The following DPF3 variants were observed in gnomAD, a reference collection of about 807,000 sequenced individuals.
The protein encoded by DPF3 is double PHD fingers 3.
DPF3 carries 18 observed loss-of-function variants against 56.8 expected under a neutral mutation model. That is an observed-to-expected ratio of 0.32 (90% confidence interval 0.22 to 0.47). The LOEUF is 0.47. Among genes scored for constraint, DPF3 ranks in the 20% least tolerant of loss-of-function variants. DPF3 has a pLI of 1.00. For synonymous variants in DPF3, 188 were observed against 180.2 expected (o/e 1.04, Z -0.35); for missense variants, 403 against 488.8 (o/e 0.82, Z 1.65).
rs1883750986 is a variant in DPF3 at position 72,611,914 on chromosome 14, A to G, written c.*7383T>C. 6.6e-6 allele frequency among the ~76,000 whole-genome samples: 1 copy of G among 152,124 alleles called. No individual in the cohort carries two copies. Among genetic ancestry groups the G allele is most frequent in the South Asian group, 2.1e-4 (1 of 4,824 alleles). On this transcript the variant is annotated 3_prime_UTR_variant, in exon 11 of 11. Transcript: ENST00000556509. ...CTTACACCTTCCGTGATGGCGCGATACTTGACCTACAATCACGATTGCTTG... is the reference window on the plus strand; with the variant it reads ...CTTACACCTTCCGTGATGGCGCGATGCTTGACCTACAATCACGATTGCTTG...
chr14:72,700,904 C>G (rs577864658), intron 6 of DPF3, among the ~76,000 whole-genome samples: 1 of 152,358 alleles, frequency 6.6e-6, no homozygotes, highest in South Asian at 2.1e-4. Context: ...CTCATCACCA[C>G]TGCTGTCAAA....
intron 8 of DPF3, among the ~76,000 whole-genome samples, chr14:72,657,537 A>G (rs1210154698): frequency 6.6e-6 from 1 of 152,218 alleles, no homozygotes; most frequent in African/African-American, 2.4e-5. Flanking sequence ...AATAGTTTAC[A>G]GTACTGATCA....
chr14:72,685,309 C>T (rs1393310703), intron 7 of DPF3, among the ~76,000 whole-genome samples: 2 of 152,214 alleles, frequency 1.3e-5, no homozygotes, highest in East Asian at 1.9e-4. Flanking sequence ...CCAACTCAAG[C>T]CCATTCACAT....
In DPF3 at chr14:72,609,243, C is replaced by T. The variant is rs888500810; in HGVS notation, c.*10054G>A. Among the ~76,000 whole-genome samples, 2 of 152,196 alleles carry T rather than the reference C, an allele frequency of 1.3e-5. No homozygotes were observed. Among genetic ancestry groups the T allele is most frequent in the Non-Finnish European group, 2.9e-5 (2 of 68,038 alleles). ...AAAGAAGAAGGCTGCTCGATCCCCA[C>T]ATTCTTCATCTCATCAGCGACAGGT... is the stretch of plus-strand genomic sequence containing the variant. On this transcript the variant is annotated 3_prime_UTR_variant, in exon 11 of 11. Transcript: ENST00000556509.
chr14:72,814,224 A>G (rs1230019557), intron 1 of DPF3, among the ~76,000 whole-genome samples: 1 of 152,100 alleles, frequency 6.6e-6, no homozygotes, highest in African/African-American at 2.4e-5. Flanking sequence ...TCCCTCCTTC[A>G]TGAAGATGAT....
chr14:72,875,382 G>C (rs1384810120), intron 1 of DPF3, among the ~76,000 whole-genome samples: 2 of 152,148 alleles, frequency 1.3e-5, no homozygotes, highest in African/African-American at 4.8e-5. Flanking sequence ...ATTCCAGCCT[G>C]GGCAACAGGG....
At position 72,614,190 on chromosome 14, in the gene DPF3, G is replaced by A. The variant is rs1031958650; in HGVS notation, c.*5107C>T. ...ACCCTGGGAATGCTCAGAAATGGGGGAGGGAGCCCCAACCCCCAGACAGCT... is the reference window on the plus strand; with the variant it reads ...ACCCTGGGAATGCTCAGAAATGGGGAAGGGAGCCCCAACCCCCAGACAGCT... On this transcript the variant is annotated 3_prime_UTR_variant, in exon 11 of 11. Transcript: ENST00000556509. Among the ~76,000 whole-genome samples, 3 of 152,222 alleles carry A rather than the reference G, an allele frequency of 2.0e-5. No homozygotes were observed. The East Asian group carries it at 5.8e-4, about 29-fold the overall frequency.
intron 4 of DPF3, among the ~76,000 whole-genome samples, chr14:72,724,662 A>G (rs1372318096): frequency 6.6e-6 from 1 of 151,302 alleles, no homozygotes. Flanking sequence ...GGGAAGGGGC[A>G]TGGAGCTCAC....
rs529115137 is a variant in DPF3 at position 72,868,841 on chromosome 14, A to G, written c.32+25216T>C. 2.6e-5 allele frequency among the ~76,000 whole-genome samples: 4 copies of G among 152,166 alleles called. No homozygotes were observed. The South Asian group carries it at 8.3e-4, about 32-fold the overall frequency. On this transcript the variant is annotated intron_variant, in intron 1 of 10. Transcript: ENST00000556509. Reference sequence around the variant, plus strand: ...TTTATTTTCTAAATTTTACCCAGACAAGCTTCCCCAAAACCCACTCATCCT... The same window carrying G: ...TTTATTTTCTAAATTTTACCCAGACGAGCTTCCCCAAAACCCACTCATCCT...
rs183963471 is a variant in DPF3 at position 72,858,289 on chromosome 14, C to A, written c.32+35768G>T. 6.5e-3 allele frequency among the ~76,000 whole-genome samples: 887 copies of A among 137,180 alleles called. 11 individuals are homozygous for A. Among genetic ancestry groups the A allele is most frequent in the African/African-American group, 0.023 (852 of 36,322 alleles). 90.0% of individuals were successfully genotyped at this position (137,180 alleles called of 152,430 possible). The stretch of plus-strand genomic sequence containing the variant: ...CACCACTGCACTCCAGCCTGGGTGA[C>A]AGAGTTAAGACTCTATCTCAAAAAA... On this transcript the variant is annotated intron_variant, in intron 1 of 10. Transcript: ENST00000556509.
chr14:72,838,905 ATTCTT>A (rs1884425226), intron 1 of DPF3, among the ~76,000 whole-genome samples: 1 of 64,502 alleles, frequency 1.6e-5, no homozygotes, highest in Non-Finnish European at 2.8e-5. Flanking sequence ...TATCATATAT[ATTCTT>A]TTTTTTTTTT....
At chr14:72,649,062 T>C (rs1157414897) in intron 8 of DPF3, among the ~76,000 whole-genome samples, 2 of 152,144 alleles carry the variant, frequency 1.3e-5, no homozygotes, top group Non-Finnish European at 1.5e-5. Flanking sequence ...TTCTCCCAGT[T>C]CTTCCTTTTA....
intron 8 of DPF3, chr14:72,661,597 TC>T: frequency 1.0e-6 from 1 of 985,342 alleles, no homozygotes; most frequent in Non-Finnish European, 1.2e-6. Context: ...CCGAGATACA[TC>T]CCATCGGCCA....
chr14:72,673,008 C>T (rs1886760125), intron 8 of DPF3, among the ~76,000 whole-genome samples: 1 of 152,090 alleles, frequency 6.6e-6, no homozygotes, highest in South Asian at 2.1e-4. Flanking sequence ...ATGTTAGGTA[C>T]CATGTTTGGA....
At position 72,616,811 on chromosome 14, in the gene DPF3, C is replaced by A. The variant is rs1884119782; in HGVS notation, c.*2486G>T. Among the ~76,000 whole-genome samples, 1 of 152,216 alleles carries A rather than the reference C, an allele frequency of 6.6e-6. No homozygotes were observed. The highest frequency in any genetic ancestry group is 1.5e-5 in the Non-Finnish European group (1 of 68,038). ...GAGACCAATTTAAAGTTTACCAACC[C>A]CGTCCTCTTTTGAACACAGAGGTGA... On this transcript the variant is annotated 3_prime_UTR_variant, in exon 11 of 11. Transcript: ENST00000556509.
At position 72,616,850 on chromosome 14, in the gene DPF3, G is replaced by A. The variant is rs1422042677; in HGVS notation, c.*2447C>T. ...ACACAGAGGTGATAAATGTGACCAC[G>A]GAGACTTTTGTCTGCTTGTAGTACC... On this transcript the variant is annotated 3_prime_UTR_variant, in exon 11 of 11. Transcript: ENST00000556509. 6.6e-6 allele frequency among the ~76,000 whole-genome samples: 1 copy of A among 152,200 alleles called. No individual in the cohort carries two copies. The highest frequency in any genetic ancestry group is 1.5e-5 in the Non-Finnish European group (1 of 68,040).
intron 1 of DPF3, among the ~76,000 whole-genome samples, chr14:72,880,915 AGGAGAAGGCAGCCTCCAGT>A (rs1292286898): frequency 2.0e-5 from 3 of 152,244 alleles, no homozygotes; most frequent in Admixed American, 6.5e-5. Context: ...TGAGGGTTAA[AGGAGAAGGCAGCCTCCAGT>A]GGAGAAGGCA....
rs57886183 is a variant in DPF3, at chr14:72,764,484, G to GTTTT, written c.193+7245_193+7248dup. ...AGTATGCAAACTATTTTCCTGAGTT[G>GTTTT]TTTTTTTTTTTTTTTTTTTTTTTTT... On this transcript the variant is annotated intron_variant, in intron 2 of 10. Transcript: ENST00000556509. Among the ~76,000 whole-genome samples, 212 of 52,798 alleles carry GTTTT rather than the reference G, an allele frequency of 4.0e-3. 24 individuals are homozygous for GTTTT. Among genetic ancestry groups the GTTTT allele is most frequent in the African/African-American group, 0.011 (138 of 12,762 alleles). The allele number at this position is 52,798 out of a possible 152,430, so 34.6% of individuals were successfully genotyped here. A position where few individuals can be genotyped will look rare whatever the true frequency, so the allele number is the denominator to read the frequency against.
At chr14:72,744,184 A>G (rs1464977726) in intron 3 of DPF3, among the ~76,000 whole-genome samples, 1 of 152,176 alleles carries the variant, frequency 6.6e-6, no homozygotes, top group Non-Finnish European at 1.5e-5. Context: ...CATTTACCAC[A>G]CTGAAGGGGT....
Sources: allele counts gnomAD v4.1 joint callset (sites outside exome capture counted in the v4.1 genomes callset), GRCh38; gene constraint gnomAD v4.1.1; transcripts MANE v1.5; gene names NCBI Gene and HGNC (gene_info 2026-07-23, HGNC 2026-07-21).